The following MPP4 variants were observed in gnomAD, a reference collection of about 807,000 sequenced individuals.
MPP4 encodes MAGUK p55 subfamily member 4.
In MPP4, 91 loss-of-function variants were observed where a neutral mutation model predicts 98.3. The observed-to-expected ratio is 0.93, with a 90% CI of 0.78 to 1.10. The LOEUF (loss-of-function observed/expected upper bound fraction) is 1.10. Among genes scored for constraint, MPP4 ranks in the 50% least tolerant of loss-of-function variants. The pLI, the probability that MPP4 is intolerant of heterozygous loss-of-function variation, is 0.00. For synonymous variants in MPP4, 261 were observed against 271.8 expected, an observed-to-expected ratio of 0.96 and a Z score of 0.39; for missense variants, 744 against 792.9, an observed-to-expected ratio of 0.94 and a Z score of 0.74.
At chr2:201,691,302 C>T (rs536322719) in intron 3 of MPP4, among the ~76,000 whole-genome samples, 1 of 152,264 alleles carries the variant, frequency 6.6e-6, no homozygotes, top group Non-Finnish European at 1.5e-5. Context: ...CACTATAAGA[C>T]AGACCACATT....
intron 11 of MPP4, among the ~76,000 whole-genome samples, chr2:201,674,618 AT>A (rs1688448783): frequency 6.6e-6 from 1 of 152,214 alleles, no homozygotes; most frequent in Admixed American, 6.5e-5. Flanking sequence ...AGCTGCCTTC[AT>A]TCCAGGGTTC....
intron 13 of MPP4, chr2:201,665,957 T>C (rs67428851): frequency 0.16 from 25,688 of 157,266 alleles, 2,273 homozygotes; most frequent in African/African-American, 0.23. Context: ...GAAGATGGCA[T>C]CAAACTTAAT....
chr2:201,673,882 C>T (rs1013637790), intron 11 of MPP4, among the ~76,000 whole-genome samples: 16 of 152,188 alleles, frequency 1.1e-4, no homozygotes, highest in Admixed American at 2.6e-4. Context: ...GCCTCCCCTC[C>T]GTCCTTCTGG....
At chr2:201,687,878 T>A (rs1293413244) in intron 4 of MPP4, among the ~76,000 whole-genome samples, 1 of 152,226 alleles carries the variant, frequency 6.6e-6, no homozygotes, top group Non-Finnish European at 1.5e-5. Context: ...ATTTTAATGC[T>A]TGTTACAATA....
intron 11 of MPP4, among the ~76,000 whole-genome samples, chr2:201,672,915 C>A (rs1559011495): frequency 3.3e-5 from 5 of 151,944 alleles, no homozygotes; most frequent in African/African-American, 1.2e-4. Flanking sequence ...GACACACACA[C>A]AAAAAAAATT....
intron 21 of MPP4, among the ~76,000 whole-genome samples, chr2:201,647,477 A>G (rs1266528571): frequency 2.0e-5 from 3 of 152,206 alleles, no homozygotes; most frequent in Non-Finnish European, 2.9e-5. Context: ...AACAAAAATT[A>G]CATTCTCTAA....
intron 21 of MPP4, among the ~76,000 whole-genome samples, chr2:201,647,478 C>A (rs1287810203): frequency 6.6e-6 from 1 of 152,138 alleles, no homozygotes; most frequent in Non-Finnish European, 1.5e-5. Context: ...ACAAAAATTA[C>A]ATTCTCTAAC....
In MPP4 at chr2:201,675,241, C is replaced by G; in HGVS notation, c.960G>C (p.Pro320=). ...RKQREFWWSQ[P]YQPHTCLKST... is the part of the protein sequence containing the mutation. ...ACTTGAGGCAGGTGTGAGGCTGGTA[C>G]GGCTGAGACCACCAGAATTCCCGTT... Residue 320 remains proline (P), a synonymous_variant, in exon 11 of 22, where the codon CCG becomes CCC. Transcript: ENST00000409474. 1 of 1,609,164 alleles carries G rather than the reference C, an allele frequency of 6.2e-7. No individual in the cohort carries two copies. Among genetic ancestry groups the G allele is most frequent in the Non-Finnish European group, 8.5e-7 (1 of 1,178,024 alleles).
intron 15 of MPP4, among the ~76,000 whole-genome samples, chr2:201,659,366 G>A (rs539961166): frequency 4.7e-4 from 71 of 152,182 alleles, no homozygotes; most frequent in Non-Finnish European, 8.8e-4. Context: ...GAGACAAAAT[G>A]AGGAAAACTG....
intron 11 of MPP4, among the ~76,000 whole-genome samples, chr2:201,672,628 A>C (rs541021402): frequency 1.1e-4 from 16 of 152,316 alleles, no homozygotes; most frequent in African/African-American, 3.8e-4. Context: ...AAACACCTCT[A>C]TGCAAATAAA....
intron 10 of MPP4, among the ~76,000 whole-genome samples, chr2:201,675,622 C>T (rs1202102776): frequency 6.6e-6 from 1 of 152,212 alleles, no homozygotes; most frequent in African/African-American, 2.4e-5. Flanking sequence ...TTCGAATTCT[C>T]ATGACATGTT....
At chr2:201,686,158 A>T in intron 5 of MPP4, 108 bp from the exon 6 acceptor site, 1 of 1,318,302 alleles carries the variant, frequency 7.6e-7, no homozygotes, top group Non-Finnish European at 1.0e-6. Context: ...ACAAACACCA[A>T]TACAGACATG....
chr2:201,655,619 G>T (rs1239869006), intron 17 of MPP4, among the ~76,000 whole-genome samples: 1 of 152,150 alleles, frequency 6.6e-6, no homozygotes, highest in African/African-American at 2.4e-5. Context: ...AGGCAGACAC[G>T]AAGGCAGTAG....
chr2:201,678,369 C>A lies in MPP4; in HGVS notation c.929+2469G>T, dbSNP rs376260514. ...ATAAGACCCCTTCCACCCACCCACG[C>A]CCTCTGGAACCCACAGCAAATCTTC... is the stretch of plus-strand genomic sequence containing the variant. On this transcript the variant is annotated intron_variant, in intron 10 of 21. Coordinates refer to ENST00000409474, the MANE Select transcript of MPP4 (RefSeq NM_033066.3). Among the ~76,000 whole-genome samples, 22 of 152,320 alleles carry A rather than the reference C, an allele frequency of 1.4e-4. No individual in the cohort carries two copies. In the East Asian group the frequency reaches 3.7e-3, roughly 25 times the overall value.
intron 17 of MPP4, among the ~76,000 whole-genome samples, 184 bp from the exon 18 acceptor site, chr2:201,655,101 C>G (rs980746685): frequency 6.6e-6 from 1 of 152,150 alleles, no homozygotes; most frequent in Non-Finnish European, 1.5e-5. Context: ...TTTCTAGTGA[C>G]CCATGGAGTA....
chr2:201,669,276 T>G (rs1472358450), intron 12 of MPP4, among the ~76,000 whole-genome samples: 4 of 152,184 alleles, frequency 2.6e-5, no homozygotes, highest in Admixed American at 2.6e-4. Context: ...TGTTTTCAAC[T>G]GCTGACAACT....
intron 9 of MPP4, 105 bp downstream of exon 9, chr2:201,681,391 C>A: frequency 1.0e-6 from 1 of 1,000,930 alleles, no homozygotes; most frequent in Non-Finnish European, 1.5e-6. Flanking sequence ...AGTCTTGAAT[C>A]CAGGTCCAAC....
At chr2:201,662,301 C>T (rs943767870) in intron 14 of MPP4, among the ~76,000 whole-genome samples, 10 of 149,216 alleles carry the variant, frequency 6.7e-5, no homozygotes, top group African/African-American at 1.5e-4. Context: ...ATCAGGAGTT[C>T]GAGACTAGCC....
intron 20 of MPP4, among the ~76,000 whole-genome samples, chr2:201,649,037 C>T (rs2105910409): frequency 6.6e-6 from 1 of 152,258 alleles, no homozygotes; most frequent in South Asian, 2.1e-4. Flanking sequence ...GCGCTCTAGT[C>T]TGGATGACAG....
Sources: gnomAD v4.1 joint callset for allele counts (sites outside exome capture counted in the v4.1 genomes callset) on GRCh38, gnomAD v4.1.1 for gene constraint, MANE v1.5 for transcripts, NCBI Gene and HGNC (gene_info 2026-07-23, HGNC 2026-07-21) for gene names.